The following MPRIP variants were observed in gnomAD, a reference collection of about 807,000 sequenced individuals.
MPRIP encodes myosin phosphatase Rho-interacting protein.
In MPRIP, 59 loss-of-function variants were observed where a neutral mutation model predicts 234.9. The ratio of observed to expected loss-of-function variants is 0.25; its 90% CI spans 0.20 to 0.31. MPRIP has a LOEUF of 0.31. Ranked by LOEUF, MPRIP falls within the 10% of genes least tolerant of loss-of-function variation. The probability of loss-of-function intolerance (pLI) is 1.00; values close to 1 mark genes in which losing one functional copy is unlikely to be tolerated. For missense variants in MPRIP, 2,436 were observed against 3,071.0 expected (o/e 0.79, Z 4.89); for synonymous variants, 1,144 against 1,263.9 (o/e 0.91, Z 2.01).
At chr17:17,092,878 G>A (rs921137011) in intron 3 of MPRIP, among the ~76,000 whole-genome samples, 8 of 152,168 alleles carry the variant, frequency 5.3e-5, no homozygotes, top group Non-Finnish European at 7.3e-5. Flanking sequence ...AGAGCGCCCC[G>A]GCCACACCAG....
intron 3 of MPRIP, among the ~76,000 whole-genome samples, chr17:17,083,239 A>G (rs1035295374): frequency 2.6e-5 from 4 of 152,228 alleles, no homozygotes; most frequent in Non-Finnish European, 5.9e-5. Context: ...TTTCAGGGGC[A>G]ACCTGGGAGT....
intron 3 of MPRIP, chr17:17,096,779 G>GT (rs1163719117): frequency 1.1e-5 from 5 of 471,042 alleles, no homozygotes; most frequent in Non-Finnish European, 2.2e-5. Flanking sequence ...TGTCTTCCCA[G>GT]TGACTCTCCT....
rs911731224 is a variant in MPRIP at position 17,119,164 on chromosome 17, T to A, written c.268-7538T>A. Among the ~76,000 whole-genome samples the A allele has an allele frequency of 2.0e-5, 3 of 152,172 alleles. No individual in the cohort carries two copies. The East Asian group carries it at 5.8e-4, about 29-fold the overall frequency. On this transcript the variant is annotated intron_variant, in intron 3 of 23. Coordinates refer to ENST00000651222, the MANE Select transcript of MPRIP (RefSeq NM_001364716.4). Reference sequence around the variant, plus strand: ...CTTCCTGAGAAAACTCTGGAGCCAATGTCCTGAATTCCAAAGAAAGGAAGG... The same window carrying A: ...CTTCCTGAGAAAACTCTGGAGCCAAAGTCCTGAATTCCAAAGAAAGGAAGG...
chr17:17,051,783 A>T lies in MPRIP; in HGVS notation c.123+8812A>T, dbSNP rs562021127. ...CTGGAAGCTGGAACTGAAATCTTCC[A>T]AACCACTCACTGGTTTTCTCAGTCA... On this transcript the variant is annotated intron_variant, in intron 1 of 23. Coordinates refer to ENST00000651222, the MANE Select transcript of MPRIP (RefSeq NM_001364716.4). Among the ~76,000 whole-genome samples the T allele has an allele frequency of 2.0e-5, 3 of 152,358 alleles. No homozygotes were observed. In the East Asian group the frequency reaches 5.8e-4, roughly 29 times the overall value.
rs1267790704 is a variant in MPRIP at position 17,176,771 on chromosome 17, TC to T, written c.6957+261del. Among the ~76,000 whole-genome samples the T allele has an allele frequency of 4.6e-5, 7 of 152,194 alleles. 1 individual carries two copies. The highest frequency in any genetic ancestry group is 1.0e-4 in the Non-Finnish European group (7 of 68,024). The stretch of plus-strand genomic sequence containing the variant: ...TTTTTGTGTGCCTTGGGAGGAATGT[TC>T]CAGAGAAAAGGCCTGTGAAGTGAGG... On this transcript the variant is annotated intron_variant, in intron 21 of 23. Transcript: ENST00000651222.
At chr17:17,086,815 G>T in intron 3 of MPRIP, among the ~76,000 whole-genome samples, 1 of 152,184 alleles carries the variant, frequency 6.6e-6, no homozygotes, top group East Asian at 1.9e-4. Flanking sequence ...AGTGGAGCAC[G>T]TAGAGGTCGG....
rs770408545 is a variant in MPRIP at position 17,167,909 on chromosome 17, C to A, written c.6318C>A (p.Ser2106Arg). 4.9e-5 allele frequency: 64 copies of A among 1,302,486 alleles called. No homozygotes were observed. The highest frequency in any genetic ancestry group is 5.4e-5 in the Non-Finnish European group (53 of 988,290). 80.7% of individuals were successfully genotyped at this position (1,302,486 alleles called of 1,614,324 possible). Reference sequence around the variant, plus strand: ...AGAAGTACCAGAGGGACTTGGAGAGCCTTAAGGTCTTAACGCCCCATTCAA... The same window carrying A: ...AGAAGTACCAGAGGGACTTGGAGAGACTTAAGGTCTTAACGCCCCATTCAA... ...LREKYQRDLE[S>R]LKATCERGFA... is the part of the protein sequence containing the mutation. The change falls in exon 16 of 24, where the codon AGC becomes AGA. Residue 2106 changes from serine to arginine, a missense_variant. By Grantham distance (110) the Ser-to-Arg change is moderately radical. Coordinates refer to ENST00000651222, the MANE Select transcript of MPRIP (RefSeq NM_001364716.4). This position sits in a 1 kb window ranked among gnomAD's most constrained non-coding sequence, Gnocchi z 5.9.
At chr17:17,092,786 G>A (rs1567709621) in intron 3 of MPRIP, among the ~76,000 whole-genome samples, 1 of 152,166 alleles carries the variant, frequency 6.6e-6, no homozygotes, top group Non-Finnish European at 1.5e-5. Flanking sequence ...GGAAACACAG[G>A]TGTAGGTAAT....
At chr17:17,057,751 C>T (rs769020277) in intron 1 of MPRIP, 31 of 715,036 alleles carry the variant, frequency 4.3e-5, no homozygotes, top group South Asian at 2.7e-4. Flanking sequence ...CCCTGACCCC[C>T]ACCCGCTGCC....
intron 13 of MPRIP, among the ~76,000 whole-genome samples, chr17:17,157,862 C>T (rs1225802178): frequency 6.6e-6 from 1 of 151,976 alleles, no homozygotes; most frequent in Admixed American, 6.6e-5. Context: ...GATCTGATCA[C>T]GTTACCTGCT....
In MPRIP at chr17:17,166,186, C is replaced by T; in HGVS notation, c.4595C>T (p.Ala1532Val). The T allele has an allele frequency of 7.7e-7, 1 of 1,302,998 alleles. No individual in the cohort carries two copies. Among genetic ancestry groups the T allele is most frequent in the Non-Finnish European group, 1.0e-6 (1 of 988,402 alleles). The allele number at this position is 1,302,998 out of a possible 1,614,324, so 80.7% of individuals were successfully genotyped here. A position where few individuals can be genotyped will look rare whatever the true frequency, so the allele number is the denominator to read the frequency against. Residue 1532 changes from alanine to valine, a missense_variant, in exon 16 of 24, where the codon GCA (alanine) becomes GTA (valine). By Grantham distance (64) the Ala-to-Val change is moderately conservative. Around this residue, in one of 4 missense-constraint regions of MPRIP, gnomAD observed 1,998 missense variants for 2,520.3 expected, o/e 0.79. Transcript: ENST00000651222. This position sits in a 1 kb window ranked among gnomAD's most constrained non-coding sequence, Gnocchi z 4.4. ...WPAPAHGGAR[A>V]QLETGGTEEN... ...GCCCCAGCCCATGGCGGGGCCCGTGCACAGCTGGAGACAGGTGGCACCGAG... is the reference window on the plus strand; with the variant it reads ...GCCCCAGCCCATGGCGGGGCCCGTGTACAGCTGGAGACAGGTGGCACCGAG...
At chr17:17,074,005 C>T (rs971429646) in intron 1 of MPRIP, among the ~76,000 whole-genome samples, 1 of 152,222 alleles carries the variant, frequency 6.6e-6, no homozygotes, top group African/African-American at 2.4e-5. Context: ...ACCTTGAGGA[C>T]CCTGCAGGCG....
At chr17:17,171,005 C>G (rs535628123) in intron 16 of MPRIP, 8 of 152,252 alleles carry the variant, frequency 5.3e-5, no homozygotes, top group South Asian at 2.1e-4. Context: ...TCATTGGTGC[C>G]CTTCTTTAAG....
At chr17:17,097,992 C>G (rs866229747) in intron 3 of MPRIP, among the ~76,000 whole-genome samples, 2 of 152,194 alleles carry the variant, frequency 1.3e-5, no homozygotes, top group African/African-American at 4.8e-5. Context: ...CATTCTTCTG[C>G]TATCAAACCA....
intron 1 of MPRIP, among the ~76,000 whole-genome samples, chr17:17,055,030 A>G (rs868576147): frequency 6.6e-6 from 1 of 151,866 alleles, no homozygotes; most frequent in South Asian, 2.1e-4. Context: ...AACCTGGGTA[A>G]TAGAACGAGA....
intron 4 of MPRIP, among the ~76,000 whole-genome samples, chr17:17,128,542 C>A (rs1351206605): frequency 6.6e-6 from 1 of 152,134 alleles, no homozygotes; most frequent in African/African-American, 2.4e-5. Flanking sequence ...TAGACAAGAT[C>A]GTTAATGGAC....
chr17:17,166,903 G>A lies in MPRIP; in HGVS notation c.5312G>A (p.Ser1771Asn), dbSNP rs1401091177. ...SQEPFDVSDQ[S>N]PGAFVAIQEE... is the part of the protein sequence containing the mutation. Reference sequence around the variant, plus strand: ...GAGCCCTTCGATGTGTCTGACCAGAGCCCTGGGGCCTTTGTTGCTATTCAG... The same window carrying A: ...GAGCCCTTCGATGTGTCTGACCAGAACCCTGGGGCCTTTGTTGCTATTCAG... The change falls in exon 16 of 24, where the codon AGC (serine) becomes AAC (asparagine). Residue 1771 changes from serine to asparagine, a missense_variant. Physicochemically the swap from Ser to Asn is conservative, Grantham distance 46. This residue lies in a region of MPRIP where 1,998 missense variants were observed against 2,520.3 expected (regional missense o/e 0.79). Coordinates refer to ENST00000651222, the MANE Select transcript of MPRIP (RefSeq NM_001364716.4). This position sits in a 1 kb window ranked among gnomAD's most constrained non-coding sequence, Gnocchi z 4.4. 1 of 1,304,192 alleles carries A rather than the reference G, an allele frequency of 7.7e-7. No individual in the cohort carries two copies. The highest frequency in any genetic ancestry group is 2.3e-5 in the Admixed American group (1 of 43,576). 80.8% of individuals were successfully genotyped at this position (1,304,192 alleles called of 1,614,324 possible).
chr17:17,090,693 G>A (rs536136616), intron 3 of MPRIP, among the ~76,000 whole-genome samples: 13 of 152,314 alleles, frequency 8.5e-5, no homozygotes, highest in East Asian at 1.9e-4. Context: ...CAGTGCTAGC[G>A]TCCTCACTGT....
chr17:17,131,963 T>G (rs539664960), intron 5 of MPRIP, among the ~76,000 whole-genome samples: 7 of 152,304 alleles, frequency 4.6e-5, no homozygotes, highest in South Asian at 4.1e-4. Context: ...TACACAGCTG[T>G]GACCCCTCCC....
Sources: gnomAD v4.1 joint callset for allele counts (sites outside exome capture counted in the v4.1 genomes callset) on GRCh38, gnomAD v4.1.1 for gene constraint, gnomAD v4.1.1 regional missense constraint, Gnocchi (gnomAD v3.1) non-coding constraint, MANE v1.5 for transcripts, NCBI Gene and HGNC (gene_info 2026-07-23, HGNC 2026-07-21) for gene names.